CLEC16A: variants seen among roughly 807,000 people sequenced by gnomAD.
CLEC16A encodes the protein protein CLEC16A.
CLEC16A carries 51 observed loss-of-function variants against 109.5 expected under a neutral mutation model. That is an observed-to-expected ratio of 0.47 (90% CI 0.37 to 0.59). The LOEUF is 0.59. Ranked by LOEUF, CLEC16A falls within the 20% of genes least tolerant of loss-of-function variation. The probability of loss-of-function intolerance (pLI) is 0.00; values close to 1 mark genes in which losing one functional copy is unlikely to be tolerated. For missense variants in CLEC16A, 1,339 were observed against 1,394.0 expected, an observed-to-expected ratio of 0.96 and a Z score of 0.63; for synonymous variants, 673 against 564.2, an observed-to-expected ratio of 1.19 and a Z score of -2.73.
chr16:10,966,414 C>T (rs1358425649), intron 3 of CLEC16A, among the ~76,000 whole-genome samples: 2 of 152,164 alleles, frequency 1.3e-5, no homozygotes, highest in Admixed American at 1.3e-4. Context: ...CGGGTACTGA[C>T]TGGGCAGGGG....
At chr16:11,076,955 G>C (rs1235973708) in intron 19 of CLEC16A, among the ~76,000 whole-genome samples, 1 of 152,208 alleles carries the variant, frequency 6.6e-6, no homozygotes, top group East Asian at 1.9e-4. Context: ...CAGAAACGCT[G>C]AAAAGTATTG....
chr16:11,016,943 A>C (rs1277273518), intron 11 of CLEC16A, among the ~76,000 whole-genome samples: 4 of 121,768 alleles, frequency 3.3e-5, no homozygotes, highest in Admixed American at 2.1e-4. Context: ...GATGGGAGGG[A>C]AGGGGGATGG....
intron 1 of CLEC16A, among the ~76,000 whole-genome samples, chr16:10,957,126 C>G (rs2042026973): frequency 6.6e-6 from 1 of 152,198 alleles, no homozygotes; most frequent in Admixed American, 6.5e-5. Context: ...ATTTAACAAT[C>G]TGTTCTCAGC....
At chr16:10,946,578 G>A (rs1596683733) in intron 1 of CLEC16A, among the ~76,000 whole-genome samples, 1 of 152,104 alleles carries the variant, frequency 6.6e-6, no homozygotes, top group Non-Finnish European at 1.5e-5. Context: ...GGAATTTATC[G>A]AGTGGGCGGA....
intron 4 of CLEC16A, among the ~76,000 whole-genome samples, chr16:10,969,677 G>A (rs1205690588): frequency 2.0e-5 from 3 of 152,126 alleles, no homozygotes; most frequent in Non-Finnish European, 2.9e-5. Context: ...GTAAAATTCA[G>A]TTTGTTCTGA....
At chr16:11,001,535 G>T (rs1011338985) in intron 10 of CLEC16A, among the ~76,000 whole-genome samples, 34 of 152,194 alleles carry the variant, frequency 2.2e-4, no homozygotes, top group African/African-American at 8.0e-4. Context: ...GTGACATTGG[G>T]CAAGTTATTT....
chr16:10,971,443 C>A, intron 5 of CLEC16A: 1 of 592,438 alleles, frequency 1.7e-6, no homozygotes, highest in Non-Finnish European at 2.1e-6. Flanking sequence ...CGAAGTCTTG[C>A]TCATGCTGCT....
chr16:11,113,028 G>A (rs2051706649), intron 19 of CLEC16A, among the ~76,000 whole-genome samples: 1 of 152,250 alleles, frequency 6.6e-6, no homozygotes, highest in East Asian at 1.9e-4. Context: ...GCACCAGACT[G>A]TGCACGTGCA....
intron 22 of CLEC16A, among the ~76,000 whole-genome samples, chr16:11,146,099 C>G (rs1001675231): frequency 6.6e-6 from 1 of 152,208 alleles, no homozygotes; most frequent in Non-Finnish European, 1.5e-5. Context: ...CTATGTGGCT[C>G]TGTCCTTGCT....
chr16:10,960,887 T>C (rs528380608), intron 2 of CLEC16A, among the ~76,000 whole-genome samples: 4 of 152,242 alleles, frequency 2.6e-5, no homozygotes, highest in African/African-American at 7.2e-5. Flanking sequence ...CTGGTTCTTG[T>C]ATCCCCTCGA....
chr16:10,952,540 G>A (rs1430801704), intron 1 of CLEC16A, among the ~76,000 whole-genome samples: 1 of 152,210 alleles, frequency 6.6e-6, no homozygotes, highest in Non-Finnish European at 1.5e-5. Context: ...TTATATCTCT[G>A]AGGTGGTTGA....
At chr16:10,966,537 A>G (rs926763125) in intron 3 of CLEC16A, among the ~76,000 whole-genome samples, 2 of 152,184 alleles carry the variant, frequency 1.3e-5, no homozygotes, top group African/African-American at 4.8e-5. Context: ...TTATGTATCT[A>G]TGTGTTTTAT....
intron 10 of CLEC16A, among the ~76,000 whole-genome samples, chr16:10,991,077 CTTGG>C: frequency 6.6e-6 from 1 of 152,208 alleles, no homozygotes; most frequent in African/African-American, 2.4e-5. Flanking sequence ...CCTCCAGGAA[CTTGG>C]GTCTCATGCA....
chr16:11,138,165 G>A (rs964391351), intron 22 of CLEC16A, among the ~76,000 whole-genome samples: 5 of 152,224 alleles, frequency 3.3e-5, no homozygotes, highest in African/African-American at 1.2e-4. Flanking sequence ...AGGAAGGTTG[G>A]CTGAGCAAGC....
chr16:11,058,575 G>C (rs2048328685), intron 18 of CLEC16A, among the ~76,000 whole-genome samples: 1 of 151,714 alleles, frequency 6.6e-6, no homozygotes, highest in Admixed American at 6.6e-5. Context: ...CACAGATATG[G>C]AACCCATGGA....
At chr16:11,101,605 A>G (rs185413450) in intron 19 of CLEC16A, among the ~76,000 whole-genome samples, 63 of 152,276 alleles carry the variant, frequency 4.1e-4, no homozygotes, top group African/African-American at 1.5e-3. Flanking sequence ...CCTCCTCTCC[A>G]CAGACGTCTA....
chr16:10,980,180 G>A (rs1252637234), intron 9 of CLEC16A, among the ~76,000 whole-genome samples: 1 of 152,144 alleles, frequency 6.6e-6, no homozygotes, highest in Non-Finnish European at 1.5e-5. Context: ...ATTTGGGGCG[G>A]GGCTTTGTCT....
chr16:11,071,825 G>A (rs1014721781), intron 19 of CLEC16A, among the ~76,000 whole-genome samples: 9 of 148,176 alleles, frequency 6.1e-5, no homozygotes, highest in Admixed American at 1.3e-4. Context: ...TGAACCCCTG[G>A]GCTCAAGCAG....
Position 11,123,785 on chromosome 16 carries a change from A to G in CLEC16A, c.2312A>G (p.Asn771Ser), listed in dbSNP as rs1204345669. Residue 771 changes from asparagine to serine, a missense_variant, in exon 21 of 24, where the codon AAC (asparagine) becomes AGC (serine). Coordinates refer to ENST00000409790, the MANE Select transcript of CLEC16A (RefSeq NM_015226.3). ...TGVEDDSRAL[N>S]ITIHKPASSP... ...GTGGAGGACGACAGCCGTGCCCTGA[A>G]CATCACCATCCACAAGCCTGCGTCC... is the stretch of plus-strand genomic sequence containing the variant. 1.9e-6 allele frequency: 3 copies of G among 1,614,032 alleles called. No individual in the cohort carries two copies. The highest frequency in any genetic ancestry group is 1.3e-5 in the African/African-American group (1 of 75,050).
Sources: gnomAD v4.1 joint callset for allele counts (sites outside exome capture counted in the v4.1 genomes callset) on GRCh38, gnomAD v4.1.1 for gene constraint, MANE v1.5 for transcripts, NCBI Gene and HGNC (gene_info 2026-07-23, HGNC 2026-07-21) for gene names.